DMD: variants seen among roughly 807,000 people sequenced by gnomAD.
DMD encodes the protein mutant dystrophin.
A neutral mutation model predicts 330.1 loss-of-function variants in DMD; 63 were observed. The ratio of observed to expected loss-of-function variants is 0.19; its 90% CI spans 0.16 to 0.24. The LOEUF (loss-of-function observed/expected upper bound fraction) is 0.24, where lower values mean the gene tolerates loss of function less well. Ranked by LOEUF, DMD falls within the 10% of genes least tolerant of loss-of-function variation. The pLI is 1.00. For missense variants in DMD, 3,344 were observed against 2,684.1 expected (o/e 1.25, Z -5.43); for synonymous variants, 1,223 against 959.8 (o/e 1.27, Z -5.07).
chrX:32,293,696 A>G (rs758440763), intron 42 of DMD, among the ~76,000 whole-genome samples: 1 of 111,892 alleles, frequency 8.9e-6, no homozygotes, highest in Non-Finnish European at 1.9e-5. Flanking sequence ...GATAAAAACA[A>G]AACTCATAAT....
At chrX:32,748,473 T>C (rs1171629541) in intron 7 of DMD, among the ~76,000 whole-genome samples, 2 of 111,514 alleles carry the variant, frequency 1.8e-5, no homozygotes, top group African/African-American at 6.5e-5. Context: ...TTAAGTACCA[T>C]AGCCAGCTGG....
intron 2 of DMD, among the ~76,000 whole-genome samples, chrX:32,949,028 G>T (rs2091013525): frequency 9.0e-6 from 1 of 110,728 alleles, no homozygotes; most frequent in Non-Finnish European, 1.9e-5. Flanking sequence ...ATTAGATCAT[G>T]ATGTTCTGTT....
intron 44 of DMD, among the ~76,000 whole-genome samples, chrX:32,193,819 C>A (rs183632086): frequency 0.016 from 1,779 of 111,354 alleles, 19 homozygotes; most frequent in South Asian, 0.039. Context: ...AATACCTTTG[C>A]GTTGTGAGTC....
At chrX:32,669,645 G>T (rs1313235360) in intron 9 of DMD, among the ~76,000 whole-genome samples, 2 of 111,605 alleles carry the variant, frequency 1.8e-5, no homozygotes, top group African/African-American at 6.5e-5. Context: ...AATAAACCCT[G>T]ATTTCCAAAT....
intron 34 of DMD, among the ~76,000 whole-genome samples, chrX:32,368,868 A>C (rs2097863104): frequency 9.0e-6 from 1 of 111,418 alleles, no homozygotes; most frequent in Non-Finnish European, 1.9e-5. Context: ...AATTCACTAA[A>C]TTATAACTCA....
At chrX:31,530,647 C>CTTTTTTTTTTTTTTTTTTTTTTTATTT (rs1192286078) in intron 55 of DMD, among the ~76,000 whole-genome samples, 2 of 49,845 alleles carry the variant, frequency 4.0e-5, no homozygotes, top group Non-Finnish European at 7.2e-5. Flanking sequence ...ACTGGTTTCT[C>CTTTTTTTTTTTTTTTTTTTTTTTATTT]TTTTTTTTTT....
chrX:32,566,570 A>C (rs949712066), intron 15 of DMD, among the ~76,000 whole-genome samples: 5 of 112,486 alleles, frequency 4.4e-5, no homozygotes, highest in African/African-American at 1.6e-4. Flanking sequence ...GCTGGGCATG[A>C]CATAAATGCT....
chrX:32,135,194 A>G (rs1372323284), intron 44 of DMD, among the ~76,000 whole-genome samples: 1 of 112,339 alleles, frequency 8.9e-6, no homozygotes, highest in Non-Finnish European at 1.9e-5. Context: ...TTTTATGTAC[A>G]GCTTTTTAAA....
At chrX:32,649,977 T>C (rs1483790154) in intron 9 of DMD, among the ~76,000 whole-genome samples, 1 of 111,158 alleles carries the variant, frequency 9.0e-6, no homozygotes, top group African/African-American at 3.3e-5. Flanking sequence ...AATGCCTGTG[T>C]TTGGGGGCCA....
intron 47 of DMD, among the ~76,000 whole-genome samples, chrX:31,919,058 T>C (rs2094651031): frequency 8.9e-6 from 1 of 112,222 alleles, no homozygotes; most frequent in Non-Finnish European, 1.9e-5. Context: ...TTGGCCTTTA[T>C]TTGTTCTCAA....
At chrX:32,736,456 C>T (rs1238449288) in intron 7 of DMD, among the ~76,000 whole-genome samples, 1 of 110,617 alleles carries the variant, frequency 9.0e-6, no homozygotes, top group Non-Finnish European at 1.9e-5. Flanking sequence ...GCTATAAAGA[C>T]ACATGCACAC....
chrX:32,721,154 C>A (rs765323071), intron 7 of DMD, among the ~76,000 whole-genome samples: 3 of 110,717 alleles, frequency 2.7e-5, no homozygotes, highest in Admixed American at 9.7e-5. Context: ...TGAATCATAA[C>A]GCAATGAACA....
chrX:31,837,723 T>TCTCC (rs748457558), intron 48 of DMD, among the ~76,000 whole-genome samples: 130 of 111,668 alleles, frequency 1.2e-3, no homozygotes, highest in African/African-American at 4.1e-3. Context: ...TGTTTAAGTG[T>TCTCC]CTCCGTGCCA....
intron 44 of DMD, among the ~76,000 whole-genome samples, chrX:32,123,202 CATATATATATATATATATATAT>C (rs59017074): frequency 1.0e-3 from 33 of 32,561 alleles, no homozygotes; most frequent in African/African-American, 4.2e-3. Context: ...TGTGAGCATG[CATATATATATATATATATATAT>C]ATATATATAT....
intron 27 of DMD, among the ~76,000 whole-genome samples, chrX:32,446,442 G>A (rs1449294867): frequency 9.1e-6 from 1 of 109,595 alleles, no homozygotes; most frequent in Non-Finnish European, 1.9e-5. Context: ...ATAATTTCCT[G>A]CTCAACTGCA....
chrX:32,728,383 G>A (rs926571197), intron 7 of DMD, among the ~76,000 whole-genome samples: 2 of 111,537 alleles, frequency 1.8e-5, no homozygotes, highest in Admixed American at 1.9e-4. Flanking sequence ...CACCATGTGA[G>A]GTCTATATTC....
intron 47 of DMD, among the ~76,000 whole-genome samples, chrX:31,924,834 A>G (rs2094745934): frequency 8.9e-6 from 1 of 112,155 alleles, no homozygotes; most frequent in Admixed American, 9.5e-5. Context: ...GTAATTTACC[A>G]TTTACATATA....
At chrX:32,724,714 A>G (rs114005455) in intron 7 of DMD, among the ~76,000 whole-genome samples, 1,873 of 111,781 alleles carry the variant, frequency 0.017, 45 homozygotes, top group African/African-American at 0.057. Context: ...ACAACTGAAT[A>G]ACTTTATTAG....
At chrX:31,609,470 C>T (rs2077784543) in intron 55 of DMD, among the ~76,000 whole-genome samples, 1 of 111,762 alleles carries the variant, frequency 8.9e-6, no homozygotes, top group Admixed American at 9.5e-5. Context: ...TCAGATACAC[C>T]ATGTAGGCAA....
Sources: allele counts gnomAD v4.1 joint callset (sites outside exome capture counted in the v4.1 genomes callset), GRCh38; gene constraint gnomAD v4.1.1; transcripts MANE v1.5; gene names NCBI Gene and HGNC (gene_info 2026-07-23, HGNC 2026-07-21).